Variants in REC114 observed in about 807,000 individuals in gnomAD.
REC114 encodes the protein meiotic recombination protein REC114.
In REC114, 27 loss-of-function variants were observed where a neutral mutation model predicts 31.3. The ratio of observed to expected loss-of-function variants is 0.86; its 90% CI spans 0.64 to 1.19. The LOEUF is 1.19. Among genes scored for constraint, REC114 ranks in the 50% most tolerant of loss-of-function variants. REC114 has a pLI of 0.00. For synonymous variants in REC114, 134 were observed against 127.7 expected (o/e 1.05, Z -0.33); for missense variants, 344 against 326.9 (o/e 1.05, Z -0.40).
In REC114 at chr15:73,525,489, G is replaced by A. The variant is rs144443424; in HGVS notation, c.250-14996G>A. Among the ~76,000 whole-genome samples, 70 of 151,660 alleles carry A rather than the reference G, an allele frequency of 4.6e-4. 1 individual carries two copies. The East Asian group carries it at 0.011, about 24-fold the overall frequency. On this transcript the variant is annotated intron_variant, in intron 2 of 5. Transcript: ENST00000331090. ...TATTTAAAATCATAAGCTTTCCTTT[G>A]AGTACTATTTTCACTATATATCCCA...
At chr15:73,477,233 T>C (rs546586312) in intron 2 of REC114, among the ~76,000 whole-genome samples, 170 of 152,364 alleles carry the variant, frequency 1.1e-3, no homozygotes, top group Non-Finnish European at 2.1e-3. Context: ...AAATTCTTAC[T>C]CTGGTTACAA....
intron 4 of REC114, among the ~76,000 whole-genome samples, chr15:73,554,380 GCT>G (rs1281553670): frequency 1.3e-5 from 2 of 152,204 alleles, no homozygotes; most frequent in Non-Finnish European, 2.9e-5. Flanking sequence ...TCATTTTGCT[GCT>G]CTCTTACATT....
chr15:73,454,418 G>T (rs1040712381), intron 1 of REC114, among the ~76,000 whole-genome samples: 43 of 152,112 alleles, frequency 2.8e-4, no homozygotes, highest in African/African-American at 1.0e-3. Context: ...ATGGCTGATG[G>T]GTGAGGAAGT....
chr15:73,535,558 C>T (rs1894143041), intron 2 of REC114, among the ~76,000 whole-genome samples: 1 of 149,070 alleles, frequency 6.7e-6, no homozygotes, highest in South Asian at 2.2e-4. Context: ...ATTCCATGCT[C>T]ATGGGTAGGA....
intron 1 of REC114, among the ~76,000 whole-genome samples, chr15:73,457,927 G>T (rs1892939372): frequency 2.0e-5 from 3 of 152,184 alleles, no homozygotes; most frequent in Admixed American, 6.5e-5. Context: ...TGTTACTTGA[G>T]TACAGGATTA....
chr15:73,443,445 G>T (rs1187085776), intron 1 of REC114, 101 bp downstream of exon 1: 39 of 1,347,042 alleles, frequency 2.9e-5, no homozygotes, highest in Non-Finnish European at 3.7e-5. Flanking sequence ...AATGCCGAGG[G>T]GACACCGAGT....
chr15:73,559,150 G>C (rs1367195608), intron 5 of REC114, among the ~76,000 whole-genome samples: 1 of 152,202 alleles, frequency 6.6e-6, no homozygotes, highest in Non-Finnish European at 1.5e-5. Context: ...GACGGTAATG[G>C]TTAGCACAAG....
intron 2 of REC114, among the ~76,000 whole-genome samples, chr15:73,524,678 A>T (rs1186585593): frequency 2.0e-5 from 3 of 152,128 alleles, no homozygotes; most frequent in African/African-American, 7.2e-5. Context: ...GCTCACTGCA[A>T]CTTTCGCCTC....
chr15:73,483,708 T>C (rs1274681644), intron 2 of REC114: 1 of 152,382 alleles, frequency 6.6e-6, no homozygotes, highest in East Asian at 1.9e-4. Context: ...ATTGCCCTTC[T>C]CAATTCCAGG....
At chr15:73,505,465 G>A (rs2141311088) in intron 2 of REC114, among the ~76,000 whole-genome samples, 1 of 152,032 alleles carries the variant, frequency 6.6e-6, no homozygotes, top group Middle Eastern at 3.4e-3. Flanking sequence ...ATGCTTTTCT[G>A]TTCTACCAAT....
chr15:73,516,785 G>T (rs1893863644), intron 2 of REC114, among the ~76,000 whole-genome samples: 1 of 152,148 alleles, frequency 6.6e-6, no homozygotes, highest in African/African-American at 2.4e-5. Flanking sequence ...CTGCCACCAT[G>T]CCAGGCCTAT....
intron 2 of REC114, among the ~76,000 whole-genome samples, chr15:73,478,263 C>CAAAAAAAA (rs57210193): frequency 5.0e-5 from 2 of 40,352 alleles, no homozygotes; most frequent in African/African-American, 1.7e-4. Flanking sequence ...GACTCTGTCT[C>CAAAAAAAA]AAAAAAAAAA....
At chr15:73,507,498 G>T (rs1050999891) in intron 2 of REC114, among the ~76,000 whole-genome samples, 1 of 152,120 alleles carries the variant, frequency 6.6e-6, no homozygotes, top group African/African-American at 2.4e-5. Context: ...TAAGAATTTG[G>T]TAAAATTTCA....
At chr15:73,543,492 G>C (rs1894267666) in intron 3 of REC114, among the ~76,000 whole-genome samples, 2 of 152,034 alleles carry the variant, frequency 1.3e-5, no homozygotes, top group Non-Finnish European at 2.9e-5. Flanking sequence ...ACCACACCCA[G>C]CTAATTTTGT....
intron 3 of REC114, among the ~76,000 whole-genome samples, chr15:73,541,726 G>C (rs1368022240): frequency 2.0e-5 from 3 of 152,138 alleles, no homozygotes; most frequent in Admixed American, 2.0e-4. Flanking sequence ...GCTGCCCTTT[G>C]ATCTTTGGAC....
At chr15:73,499,956 TAGAG>T (rs1395055735) in intron 2 of REC114, among the ~76,000 whole-genome samples, 2 of 152,172 alleles carry the variant, frequency 1.3e-5, no homozygotes, top group Non-Finnish European at 2.9e-5. Flanking sequence ...TACACAGAAG[TAGAG>T]AGAATAATAT....
At chr15:73,504,369 T>A (rs1893646278) in intron 2 of REC114, among the ~76,000 whole-genome samples, 1 of 152,162 alleles carries the variant, frequency 6.6e-6, no homozygotes, top group Non-Finnish European at 1.5e-5. Context: ...TCTTTTTGTA[T>A]AGGAATTCAA....
At chr15:73,524,295 A>G (rs1244601648) in intron 2 of REC114, among the ~76,000 whole-genome samples, 2 of 152,226 alleles carry the variant, frequency 1.3e-5, no homozygotes, top group Non-Finnish European at 2.9e-5. Context: ...CAGTGTTCCC[A>G]AAGAAATTGG....
At chr15:73,476,050 G>A (rs969703613) in intron 2 of REC114, among the ~76,000 whole-genome samples, 10 of 152,084 alleles carry the variant, frequency 6.6e-5, no homozygotes, top group Non-Finnish European at 1.2e-4. Flanking sequence ...GCTATCCCAC[G>A]TGACCCACAT....
Sources: allele counts gnomAD v4.1 joint callset (sites outside exome capture counted in the v4.1 genomes callset), GRCh38; gene constraint gnomAD v4.1.1; transcripts MANE v1.5; gene names NCBI Gene and HGNC (gene_info 2026-07-23, HGNC 2026-07-21).